Variants in USP34 observed in about 807,000 individuals in gnomAD.
The protein encoded by USP34 is ubiquitin specific peptidase 34.
Under a neutral mutation model 460.3 loss-of-function variants are expected in USP34, and 70 were observed. The ratio of observed to expected loss-of-function variants is 0.15; its 90% CI spans 0.13 to 0.19. The LOEUF is 0.19. Ranked by LOEUF, USP34 falls within the 10% of genes least tolerant of loss-of-function variation. The probability of loss-of-function intolerance (pLI) is 1.00; values close to 1 mark genes in which losing one functional copy is unlikely to be tolerated. For synonymous variants in USP34, 1,647 were observed against 1,405.3 expected, an observed-to-expected ratio of 1.17 and a Z score of -3.85; for missense variants, 3,985 against 4,236.2, an observed-to-expected ratio of 0.94 and a Z score of 1.65.
Position 61,391,291 on chromosome 2 carries a change from C to T in USP34, c.753+3562G>A, listed in dbSNP as rs114327643. ...TGAAACACTACCTCTACCAGAAACA[C>T]AAAAATTAGCCAGTCTCAAAATAAA... On this transcript the variant is annotated intron_variant, in intron 5 of 79. Transcript: ENST00000398571. Among the ~76,000 whole-genome samples the T allele has an allele frequency of 6.0e-3, 917 of 152,024 alleles. 9 individuals are homozygous for T. The highest frequency in any genetic ancestry group is 0.02 in the African/African-American group (838 of 41,464).
In USP34 at chr2:61,278,278, T is replaced by C. The variant is rs1207403934; in HGVS notation, c.5320A>G (p.Ile1774Val). 2.5e-6 allele frequency: 4 copies of C among 1,613,394 alleles called. No homozygotes were observed. Among genetic ancestry groups the C allele is most frequent in the South Asian group, 2.2e-5 (2 of 90,958 alleles). The change falls in exon 41 of 80, where the codon ATC becomes GTC. Residue 1774 changes from isoleucine (I) to valine (V), a missense_variant. Transcript: ENST00000398571. ...HLADCIRSRE[I>V]LDHQDGNVED... ...ACATTACCATCCTGATGATCAAGGA[T>C]CTCCCTACTACAAAAAAGAAAAAAA... is the stretch of plus-strand genomic sequence containing the variant.
intron 1 of USP34, among the ~76,000 whole-genome samples, chr2:61,446,883 G>T (rs578168682): frequency 2.0e-5 from 3 of 151,784 alleles, no homozygotes; most frequent in Non-Finnish European, 4.4e-5. Context: ...TAATATACTG[G>T]TGATCTGGAA....
chr2:61,243,662 G>T (rs1572865684), intron 51 of USP34, among the ~76,000 whole-genome samples: 1 of 151,466 alleles, frequency 6.6e-6, no homozygotes, highest in South Asian at 2.1e-4. Context: ...CACAAGGTCA[G>T]GAGATCAAGA....
Position 61,288,769 on chromosome 2 carries a change from C to A in USP34, c.4657G>T (p.Ala1553Ser). Residue 1553 changes from alanine to serine, a missense_variant, in exon 34 of 80, where the codon GCG (alanine) becomes TCG (serine). By Grantham distance (99) the Ala-to-Ser change is moderately conservative. This residue lies in a region of USP34 where 1,114 missense variants were observed against 1,122.5 expected (regional missense o/e 0.99). Transcript: ENST00000398571. ...CAGGTTCTTTTCCTATGGCTTTCCG[C>A]TATACCAGACCAGGCAAAGACATCA... ...YHDVFAWSGI[A>S]ESHRKRTWPG... 6.2e-7 allele frequency: 1 copy of A among 1,614,026 alleles called. No homozygotes were observed. The highest frequency in any genetic ancestry group is 2.2e-5 in the East Asian group (1 of 44,878).
chr2:61,329,244 CG>C lies in USP34; in HGVS notation c.2930+2031del, dbSNP rs374325311. Among the ~76,000 whole-genome samples the C allele has an allele frequency of 9.8e-4, 148 of 151,778 alleles. 1 individual carries two copies. Among genetic ancestry groups the C allele is most frequent in the Non-Finnish European group, 1.8e-3 (124 of 67,922 alleles). ...TTTCTCCATGTTGGTCAGGCTGGTC[CG>C]GAACTCCCAACCTCAGGTGATCTGC... On this transcript the variant is annotated intron_variant, in intron 20 of 79. Transcript: ENST00000398571.
chr2:61,270,534 C>G (rs1475832501), intron 41 of USP34, among the ~76,000 whole-genome samples: 1 of 152,196 alleles, frequency 6.6e-6, no homozygotes, highest in Non-Finnish European at 1.5e-5. Context: ...CTCCCTGGTT[C>G]AAGGGATTCT....
intron 41 of USP34, among the ~76,000 whole-genome samples, chr2:61,271,860 T>C (rs115904271): frequency 0.02 from 3,011 of 152,332 alleles, 38 homozygotes; most frequent in Middle Eastern, 0.051. Flanking sequence ...TTTTTAAAAA[T>C]ACTTAAGGAA....
At chr2:61,362,852 C>T (rs766283161) in intron 10 of USP34, among the ~76,000 whole-genome samples, 2 of 152,160 alleles carry the variant, frequency 1.3e-5, no homozygotes. Context: ...TCAAGTTGTA[C>T]ACCTTAAATA....
chr2:61,455,499 T>G (rs1435008991), intron 1 of USP34, among the ~76,000 whole-genome samples: 1 of 152,058 alleles, frequency 6.6e-6, no homozygotes, highest in Non-Finnish European at 1.5e-5. Flanking sequence ...GATAGCCAGG[T>G]GCAGTGGTGT....
At chr2:61,259,265 A>C (rs1348616737) in intron 44 of USP34, among the ~76,000 whole-genome samples, 2 of 152,104 alleles carry the variant, frequency 1.3e-5, no homozygotes, top group East Asian at 3.9e-4. Context: ...TCTCAAAATA[A>C]ATAAATAAAT....
chr2:61,293,406 G>C lies in USP34; in HGVS notation c.4548+58C>G, dbSNP rs1689922959. Reference sequence around the variant, plus strand: ...AAAAGCTATACTTGCTGATGAAATGGAAGTATTTCAAATGGGATAACTACT... The same window carrying C: ...AAAAGCTATACTTGCTGATGAAATGCAAGTATTTCAAATGGGATAACTACT... On this transcript the variant is annotated intron_variant, in intron 33 of 79. Transcript: ENST00000398571. The C allele has an allele frequency of 2.3e-6, 3 of 1,297,624 alleles. No homozygotes were observed. In the African/African-American group the frequency reaches 4.4e-5, roughly 19 times the overall value. The allele number at this position is 1,297,624 out of a possible 1,614,324, so 80.4% of individuals were successfully genotyped here. A position where few individuals can be genotyped will look rare whatever the true frequency, so the allele number is the denominator to read the frequency against.
chr2:61,319,376 A>G lies in USP34; in HGVS notation c.3014-49T>C, dbSNP rs746064723. On this transcript the variant is annotated intron_variant, in intron 21 of 79. Coordinates refer to ENST00000398571, the MANE Select transcript of USP34 (RefSeq NM_014709.4). The stretch of plus-strand genomic sequence containing the variant: ...TACTTTATTAACTACATACAAAAAA[A>G]TTAAACTTCTCTTAGGCATGTGTAT... 5 of 1,370,630 alleles carry G rather than the reference A, an allele frequency of 3.6e-6. No individual in the cohort carries two copies. In the African/African-American group the frequency reaches 7.6e-5, roughly 21 times the overall value. The allele number at this position is 1,370,630 out of a possible 1,614,324, so 84.9% of individuals were successfully genotyped here. A position where few individuals can be genotyped will look rare whatever the true frequency, so the allele number is the denominator to read the frequency against.
intron 20 of USP34, among the ~76,000 whole-genome samples, chr2:61,326,617 C>T (rs1691098106): frequency 6.6e-6 from 1 of 152,040 alleles, no homozygotes. Flanking sequence ...AGTTCAAGTA[C>T]TTGAGCACTC....
At chr2:61,324,258 G>A (rs879835527) in intron 21 of USP34, among the ~76,000 whole-genome samples, 53 of 152,130 alleles carry the variant, frequency 3.5e-4, no homozygotes, top group Admixed American at 6.6e-4. Context: ...CATGGATTTG[G>A]ATATGGTACA....
intron 75 of USP34, among the ~76,000 whole-genome samples, chr2:61,196,142 G>A (rs1361553266): frequency 7.2e-6 from 1 of 138,476 alleles, no homozygotes; most frequent in South Asian, 2.3e-4. Context: ...GTGCAGTGGC[G>A]CGATCTCGGC....
chr2:61,378,832 G>A (rs754884135), intron 7 of USP34, among the ~76,000 whole-genome samples: 3 of 148,294 alleles, frequency 2.0e-5, no homozygotes, highest in Non-Finnish European at 4.4e-5. Flanking sequence ...TTGAACCCAG[G>A]AGGCAGAGGT....
At chr2:61,210,304 T>G (rs187566821) in intron 69 of USP34, among the ~76,000 whole-genome samples, 4 of 152,220 alleles carry the variant, frequency 2.6e-5, no homozygotes, top group African/African-American at 9.6e-5. Flanking sequence ...TTTCTGTCTT[T>G]TATTCCATAT....
At chr2:61,268,335 T>C (rs1188856422) in intron 41 of USP34, among the ~76,000 whole-genome samples, 1 of 148,348 alleles carries the variant, frequency 6.7e-6, no homozygotes, top group Non-Finnish European at 1.5e-5. Flanking sequence ...TGAGGTCTAG[T>C]GAGAGGTGTT....
At position 61,256,413 on chromosome 2, in the gene USP34, A is replaced by T. The variant is rs72811482; in HGVS notation, c.6192T>A (p.His2064Gln). ...TTTCAGCTCGTACTTTCTTCCCACA[A>T]TGAGAACAAGTATACATGTTATCAC... ...LEGDNMYTCS[H>Q]CGKKVRAEKR... Residue 2064 changes from histidine to glutamine, a missense_variant, in exon 48 of 80, where the codon CAT (histidine) becomes CAA (glutamine). Around this residue, in one of 14 missense-constraint regions of USP34, gnomAD observed 145 missense variants for 291.6 expected, o/e 0.50. Transcript: ENST00000398571. 78,712 of 1,611,706 alleles carry T rather than the reference A, an allele frequency of 0.049. 2,266 individuals are homozygous for T. The highest frequency in any genetic ancestry group is 0.057 in the Non-Finnish European group (66,844 of 1,178,664).
Sources: allele counts gnomAD v4.1 joint callset (sites outside exome capture counted in the v4.1 genomes callset), GRCh38; gene constraint gnomAD v4.1.1; regional missense constraint gnomAD v4.1.1; transcripts MANE v1.5; gene names NCBI Gene and HGNC (gene_info 2026-07-23, HGNC 2026-07-21).